Variants in FAM76A observed in about 807,000 individuals in gnomAD.
FAM76A encodes protein FAM76A.
Under a neutral mutation model 46.2 loss-of-function variants are expected in FAM76A, and 32 were observed. The observed-to-expected ratio is 0.69, with a 90% confidence interval of 0.52 to 0.93. FAM76A has a LOEUF of 0.93. Among genes scored for constraint, FAM76A ranks in the 40% least tolerant of loss-of-function variants. The probability of loss-of-function intolerance (pLI) is 0.00; values close to 1 mark genes in which losing one functional copy is unlikely to be tolerated. For synonymous variants in FAM76A, 137 were observed against 127.0 expected (o/e 1.08, Z -0.53); for missense variants, 274 against 361.5 (o/e 0.76, Z 1.96).
chr1:27,734,001 A>G (rs1404677246), intron 3 of FAM76A, 30 bp from the exon 4 acceptor site: 9 of 1,590,792 alleles, frequency 5.7e-6, no homozygotes, highest in Non-Finnish European at 7.7e-6. Context: ...TGAAAGTAAT[A>G]CTTACTTGAC....
chr1:27,732,259 G>A (rs1355157924), intron 2 of FAM76A, among the ~76,000 whole-genome samples: 1 of 152,184 alleles, frequency 6.6e-6, no homozygotes, highest in Admixed American at 6.6e-5. Context: ...GCGAAACCTT[G>A]TCTCTATCAA....
At chr1:27,738,911 A>T (rs1054158734) in intron 4 of FAM76A, among the ~76,000 whole-genome samples, 1 of 152,212 alleles carries the variant, frequency 6.6e-6, no homozygotes, top group Admixed American at 6.6e-5. Context: ...CAAAAATTCC[A>T]GGAAGAAGGA....
intron 1 of FAM76A, 77 bp downstream of exon 1, chr1:27,726,238 C>T (rs1197475293): frequency 1.0e-5 from 12 of 1,184,234 alleles, no homozygotes; most frequent in East Asian, 3.2e-5. Flanking sequence ...TGTGGGGACG[C>T]CCGGCGGGGT....
chr1:27,760,283 T>C (rs77107754), intron 8 of FAM76A: 7,032 of 431,702 alleles, frequency 0.016, 438 homozygotes, highest in African/African-American at 0.13. Context: ...TCCCAAGAGA[T>C]TGAGGTACAC....
At chr1:27,740,276 T>C in intron 4 of FAM76A, 1 of 751,252 alleles carries the variant, frequency 1.3e-6, no homozygotes, top group Non-Finnish European at 2.4e-6. Flanking sequence ...TTTGGGAGAA[T>C]GGGATGAAGG....
intron 5 of FAM76A, among the ~76,000 whole-genome samples, chr1:27,747,737 T>C (rs2088263003): frequency 6.6e-6 from 1 of 152,026 alleles, no homozygotes; most frequent in African/African-American, 2.4e-5. Context: ...GCTCACATGG[T>C]GAAACCCGTC....
chr1:27,735,748 A>G (rs1414671071), intron 4 of FAM76A, among the ~76,000 whole-genome samples: 1 of 152,224 alleles, frequency 6.6e-6, no homozygotes, highest in East Asian at 1.9e-4. Flanking sequence ...CACTTTCTTC[A>G]TCTTTCTCCA....
At chr1:27,747,809 A>G (rs2088264663) in intron 5 of FAM76A, among the ~76,000 whole-genome samples, 1 of 152,120 alleles carries the variant, frequency 6.6e-6, no homozygotes, top group South Asian at 2.1e-4. Context: ...AGTCCCAGCT[A>G]TTCGGGAGGC....
At chr1:27,746,263 C>T (rs146922311) in intron 5 of FAM76A, among the ~76,000 whole-genome samples, 15 of 152,210 alleles carry the variant, frequency 9.9e-5, no homozygotes, top group Non-Finnish European at 1.8e-4. Flanking sequence ...AGGATAATTC[C>T]CGGGTTTCTT....
In FAM76A at chr1:27,762,741, TAG is replaced by T. The variant is rs2088527517; in HGVS notation, c.*2161_*2162del. The T allele has an allele frequency of 6.6e-6, 1 of 152,108 alleles. No homozygotes were observed. Among genetic ancestry groups the T allele is most frequent in the East Asian group, 1.9e-4 (1 of 5,178 alleles). 9.4% of individuals were successfully genotyped at this position (152,108 alleles called of 1,614,324 possible). On this transcript the variant is annotated 3_prime_UTR_variant, in exon 9 of 9. Coordinates refer to ENST00000373954, the MANE Select transcript of FAM76A (RefSeq NM_152660.3). ...TTTGCATTGACTATGGGAGAAAAAT[TAG>T]GGGGAAATGACAGTCATGGTGTTTT... is the stretch of plus-strand genomic sequence containing the variant.
intron 6 of FAM76A, among the ~76,000 whole-genome samples, chr1:27,750,598 T>A (rs939254914): frequency 1.3e-5 from 2 of 152,244 alleles, no homozygotes; most frequent in African/African-American, 2.4e-5. Context: ...TCATTTATGA[T>A]CCAGGCTGTG....
intron 7 of FAM76A, among the ~76,000 whole-genome samples, chr1:27,756,814 C>G (rs1485851513): frequency 6.6e-6 from 1 of 151,952 alleles, no homozygotes; most frequent in Non-Finnish European, 1.5e-5. Context: ...AATCCCAACA[C>G]TTTGGGAGGC....
In FAM76A at chr1:27,744,684, A is replaced by G. The variant is rs999976143; in HGVS notation, c.385A>G (p.Thr129Ala). Residue 129 changes from threonine to alanine, a missense_variant, in exon 5 of 9, where the codon ACA (threonine) becomes GCA (alanine). By Grantham distance (58) the Thr-to-Ala change is moderately conservative (BLOSUM62 0). Transcript: ENST00000373954. ...VDGKLLCWLC[T>A]LSYKRVLQKT... The stretch of plus-strand genomic sequence containing the variant: ...TGGGAAATTGCTGTGCTGGCTGTGC[A>G]CACTTTCATACAAACGGGTCCTTCA... 1.9e-6 allele frequency: 3 copies of G among 1,614,004 alleles called. No homozygotes were observed. Among genetic ancestry groups the G allele is most frequent in the African/African-American group, 1.3e-5 (1 of 74,910 alleles).
At chr1:27,756,141 A>G (rs954027638) in intron 7 of FAM76A, among the ~76,000 whole-genome samples, 8 of 152,170 alleles carry the variant, frequency 5.3e-5, no homozygotes, top group Non-Finnish European at 1.2e-4. Context: ...CTGTGGGACA[A>G]TAATACTCAA....
In FAM76A at chr1:27,744,654, G is replaced by T. The variant is rs1390823717; in HGVS notation, c.355G>T (p.Val119Leu). The change falls in exon 5 of 9, where the codon GTA (valine) becomes TTA (leucine). Residue 119 changes from valine to leucine, a missense_variant and splice_region_variant. Val to Leu is a conservative substitution (Grantham distance 32). Transcript: ENST00000373954. Reference protein sequence around the residue: ...AFDRKDDRKKVDGKLLCWLCT... With the variant: ...AFDRKDDRKKLDGKLLCWLCT... Reference sequence around the variant, plus strand: ...TTATCTTTGTCTCCTTGTCTTTCAGGTAGATGGGAAATTGCTGTGCTGGCT... The same window carrying T: ...TTATCTTTGTCTCCTTGTCTTTCAGTTAGATGGGAAATTGCTGTGCTGGCT... 1.9e-6 allele frequency: 3 copies of T among 1,613,702 alleles called. No homozygotes were observed. The highest frequency in any genetic ancestry group is 3.3e-5 in the Admixed American group (2 of 59,948).
chr1:27,726,298 C>G, intron 1 of FAM76A, 137 bp downstream of exon 1: 1 of 749,656 alleles, frequency 1.3e-6, no homozygotes, highest in Non-Finnish European at 1.8e-6. Flanking sequence ...CCGCACCCAC[C>G]CCGCTGGGGG....
chr1:27,753,228 A>G (rs1230155201), intron 6 of FAM76A, among the ~76,000 whole-genome samples: 3 of 152,218 alleles, frequency 2.0e-5, no homozygotes, highest in African/African-American at 7.2e-5. Context: ...TCCCTAACAC[A>G]GGATAGAAAG....
At chr1:27,741,896 AG>A (rs5773201) in intron 4 of FAM76A, among the ~76,000 whole-genome samples, 22,869 of 148,946 alleles carry the variant, frequency 0.15, 4,523 homozygotes, top group African/African-American at 0.47. Context: ...AAAAAAAAAA[AG>A]AGAGAGGATG....
At chr1:27,747,921 AAAAAAT>A (rs1409306567) in intron 5 of FAM76A, among the ~76,000 whole-genome samples, 24 of 151,946 alleles carry the variant, frequency 1.6e-4, no homozygotes, top group Admixed American at 2.0e-4. Context: ...CTCCATCTCA[AAAAAAT>A]AAAAATAAAA....
Sources: allele counts gnomAD v4.1 joint callset (sites outside exome capture counted in the v4.1 genomes callset), GRCh38; gene constraint gnomAD v4.1.1; transcripts MANE v1.5; gene names NCBI Gene and HGNC (gene_info 2026-07-23, HGNC 2026-07-21).